FAM163A: variants seen among roughly 807,000 people sequenced by gnomAD.
FAM163A encodes protein FAM163A.
Under a neutral mutation model 12.0 loss-of-function variants are expected in FAM163A, and 7 were observed. That is an observed-to-expected ratio of 0.58 (90% CI 0.33 to 1.10). FAM163A has a LOEUF of 1.10. FAM163A is among the 50% of genes least tolerant of loss of function. FAM163A has a pLI of 0.03. For missense variants in FAM163A, 202 were observed against 218.6 expected, an observed-to-expected ratio of 0.92 and a Z score of 0.48; for synonymous variants, 101 against 91.0, an observed-to-expected ratio of 1.11 and a Z score of -0.62.
the FAM163A span, among the ~76,000 whole-genome samples, chr1:179,731,184 A>G: frequency 5.3e-5 from 8 of 152,310 alleles, no homozygotes; most frequent in South Asian, 1.7e-3. Context: ...TCTAGTATTG[A>G]GTATACAGTC....
chr1:179,728,406 C>A, the FAM163A span, among the ~76,000 whole-genome samples: 1 of 152,118 alleles, frequency 6.6e-6, no homozygotes, highest in Admixed American at 6.6e-5. Context: ...TGGCAGGATG[C>A]GGTGAGATGA....
In FAM163A at chr1:179,814,027, C is replaced by T. The variant is rs746475659; in HGVS notation, c.342C>T (p.Pro114=). The part of the protein sequence containing the change: ...PFYIRTADMV[P]NGGGGERLSF... ...ACATACGGACGGCTGACATGGTGCC[C>T]AATGGGGGTGGAGGCGAGAGGCTCT... is the stretch of plus-strand genomic sequence containing the variant. Residue 114 remains proline, a synonymous_variant, in exon 5 of 5, where the codon CCC becomes CCT. Transcript: ENST00000341785. 6.2e-7 allele frequency: 1 copy of T among 1,613,246 alleles called. No homozygotes were observed. The highest frequency in any genetic ancestry group is 1.3e-5 in the African/African-American group (1 of 74,924).
At chr1:179,806,139 G>A (rs968569918) in intron 1 of FAM163A, among the ~76,000 whole-genome samples, 1 of 152,166 alleles carries the variant, frequency 6.6e-6, no homozygotes, top group Admixed American at 6.5e-5. Flanking sequence ...TATAAAGTGG[G>A]TGAAAGCATC....
intron 1 of FAM163A, among the ~76,000 whole-genome samples, chr1:179,790,546 G>A (rs556802006): frequency 1.3e-5 from 2 of 152,184 alleles, no homozygotes; most frequent in East Asian, 1.9e-4. Flanking sequence ...GAGTTGGTTC[G>A]GCAAGTGAGG....
chr1:179,797,593 TA>T (rs553725082), intron 1 of FAM163A, among the ~76,000 whole-genome samples: 1 of 152,104 alleles, frequency 6.6e-6, no homozygotes, highest in Non-Finnish European at 1.5e-5. Context: ...GTTCTTACCT[TA>T]AAAAACAAAG....
At chr1:179,783,144 AGG>A (rs1406800820) in intron 1 of FAM163A, among the ~76,000 whole-genome samples, 6 of 151,618 alleles carry the variant, frequency 4.0e-5, no homozygotes, top group Non-Finnish European at 8.8e-5. Context: ...AAAAAAAAAA[AGG>A]AAAAAGCCAT....
At chr1:179,777,114 CCTCCATCCATGAA>C (rs1399584991) in intron 1 of FAM163A, among the ~76,000 whole-genome samples, 5 of 152,152 alleles carry the variant, frequency 3.3e-5, no homozygotes, top group African/African-American at 1.2e-4. Flanking sequence ...TTGATCCATT[CCTCCATCCATGAA>C]CACTGTTTCC....
At chr1:179,777,129 A>G (rs1689088701) in intron 1 of FAM163A, among the ~76,000 whole-genome samples, 1 of 152,112 alleles carries the variant, frequency 6.6e-6, no homozygotes, top group Non-Finnish European at 1.5e-5. Flanking sequence ...ATCCATGAAC[A>G]CTGTTTCCAC....
At chr1:179,801,188 A>C (rs985704869) in intron 1 of FAM163A, among the ~76,000 whole-genome samples, 13 of 152,116 alleles carry the variant, frequency 8.5e-5, no homozygotes, top group African/African-American at 2.4e-4. Context: ...ACACCAACAC[A>C]AACACTTGGA....
the FAM163A span, among the ~76,000 whole-genome samples, chr1:179,732,528 T>A: frequency 6.6e-6 from 1 of 152,148 alleles, no homozygotes; most frequent in African/African-American, 2.4e-5. Flanking sequence ...GTAATATTCA[T>A]ACCCTCCCAA....
intron 1 of FAM163A, among the ~76,000 whole-genome samples, chr1:179,802,133 A>G (rs376574657): frequency 5.3e-5 from 8 of 152,316 alleles, no homozygotes; most frequent in African/African-American, 1.9e-4. Context: ...TATCATGATC[A>G]TTGGTCTGTG....
chr1:179,750,857 G>A (rs1685175834), intron 1 of FAM163A, among the ~76,000 whole-genome samples: 1 of 152,218 alleles, frequency 6.6e-6, no homozygotes, highest in South Asian at 2.1e-4. Context: ...TGTTTAGACT[G>A]GAAAGTTTGT....
At chr1:179,763,303 C>T (rs1021314498) in intron 1 of FAM163A, among the ~76,000 whole-genome samples, 2 of 152,212 alleles carry the variant, frequency 1.3e-5, no homozygotes, top group Admixed American at 6.5e-5. Flanking sequence ...ACTCTCTTTT[C>T]AGAGCTTCTC....
chr1:179,744,203 C>G (rs910883630), intron 1 of FAM163A, among the ~76,000 whole-genome samples: 2 of 152,182 alleles, frequency 1.3e-5, no homozygotes, highest in Non-Finnish European at 2.9e-5. Flanking sequence ...CCGGACGTGC[C>G]CGTGGGGCCG....
At position 179,814,169 on chromosome 1, in the gene FAM163A, G is replaced by C; in HGVS notation, c.484G>C (p.Ala162Pro). The C allele has an allele frequency of 6.2e-7, 1 of 1,613,870 alleles. No individual in the cohort carries two copies. Among genetic ancestry groups the C allele is most frequent in the South Asian group, 1.1e-5 (1 of 91,014 alleles). Residue 162 changes from alanine (A) to proline (P), a missense_variant, in exon 5 of 5, where the codon GCT becomes CCT. Physicochemically the swap from Ala to Pro is conservative, Grantham distance 27. Coordinates refer to ENST00000341785, the MANE Select transcript of FAM163A (RefSeq NM_173509.3). The stretch of plus-strand genomic sequence containing the variant: ...GCGTGAGGCCTTCACCAATCCAAGG[G>C]CTATTAGTACAGACGTGTAAATCCT... ...SGREAFTNPR[A>P]ISTDV
intron 1 of FAM163A, among the ~76,000 whole-genome samples, chr1:179,775,868 T>TA (rs756858194): frequency 2.0e-5 from 3 of 152,198 alleles, no homozygotes; most frequent in Non-Finnish European, 4.4e-5. Flanking sequence ...GCTTGTGAAG[T>TA]AACTCTGTTG....
At chr1:179,739,809 T>C (rs549072897), upstream of FAM163A, among the ~76,000 whole-genome samples, 2 of 152,360 alleles carry the variant, frequency 1.3e-5, no homozygotes, top group East Asian at 3.9e-4. Flanking sequence ...CCTGAAGACG[T>C]CTGACATCAG....
intron 1 of FAM163A, among the ~76,000 whole-genome samples, chr1:179,773,908 A>G (rs1688599048): frequency 6.6e-6 from 1 of 152,246 alleles, no homozygotes; most frequent in African/African-American, 2.4e-5. Flanking sequence ...CACTAAACAG[A>G]GAATGAAAAT....
chr1:179,774,961 A>G (rs1688745759), intron 1 of FAM163A, among the ~76,000 whole-genome samples: 1 of 152,218 alleles, frequency 6.6e-6, no homozygotes, highest in Non-Finnish European at 1.5e-5. Flanking sequence ...TTTTGAACAA[A>G]GAATTGGACA....
Sources: gnomAD v4.1 joint callset for allele counts (sites outside exome capture counted in the v4.1 genomes callset) on GRCh38, gnomAD v4.1.1 for gene constraint, MANE v1.5 for transcripts, NCBI Gene and HGNC (gene_info 2026-07-23, HGNC 2026-07-21) for gene names.